The following RBMS1 variants were observed in gnomAD, a reference collection of about 807,000 sequenced individuals.
RBMS1 encodes the protein RNA binding motif single stranded interacting protein 1, also known as RNA-binding motif, single-stranded-interacting protein 1.
RBMS1 carries 17 observed loss-of-function variants against 62.3 expected under a neutral mutation model. The observed-to-expected ratio is 0.27, with a 90% CI of 0.19 to 0.41. The LOEUF is 0.41. Among genes scored for constraint, RBMS1 ranks in the 10% least tolerant of loss-of-function variants. RBMS1 has a pLI of 1.00. For synonymous variants in RBMS1, 172 were observed against 170.0 expected (o/e 1.01, Z -0.09); for missense variants, 334 against 504.5 (o/e 0.66, Z 3.24).
At chr2:160,423,222 T>C (rs1696504284) in intron 1 of RBMS1, among the ~76,000 whole-genome samples, 2 of 95,996 alleles carry the variant, frequency 2.1e-5, no homozygotes, top group East Asian at 4.1e-4. Flanking sequence ...TTTTCTTTTT[T>C]TCTTTCAATT....
chr2:160,375,265 C>T (rs60466881), intron 1 of RBMS1, among the ~76,000 whole-genome samples: 3,223 of 152,270 alleles, frequency 0.021, 122 homozygotes, highest in African/African-American at 0.072. Flanking sequence ...TCTGTGACAT[C>T]GTGCAACTTA....
At chr2:160,292,357 AACT>A (rs1688725351) in intron 6 of RBMS1, among the ~76,000 whole-genome samples, 1 of 152,212 alleles carries the variant, frequency 6.6e-6, no homozygotes, top group Admixed American at 6.5e-5. Context: ...TAGTGTTCTT[AACT>A]ACTGTGGCAA....
intron 1 of RBMS1, among the ~76,000 whole-genome samples, chr2:160,441,547 G>A (rs957292078): frequency 2.0e-5 from 3 of 152,178 alleles, no homozygotes; most frequent in African/African-American, 7.2e-5. Context: ...AACATGGCAA[G>A]ACTGCATCTC....
chr2:160,300,731 C>A lies in RBMS1; in HGVS notation c.561-1G>T. 6.3e-7 allele frequency: 1 copy of A among 1,584,128 alleles called. No individual in the cohort carries two copies. The highest frequency in any genetic ancestry group is 2.3e-5 in the East Asian group (1 of 44,016). On this transcript the variant is annotated splice_acceptor_variant, in intron 5 of 13. Coordinates refer to ENST00000348849, the MANE Select transcript of RBMS1 (RefSeq NM_016836.4). LOFTEE classifies it high-confidence loss of function. ...TTCACATTTTTCTGTTGATTCCATC[C>A]TATTTATAATAAAAATAGAATACAT...
At chr2:160,307,361 G>GAAAAAAAAAAAAAAAAA in intron 4 of RBMS1, among the ~76,000 whole-genome samples, 1 of 85,790 alleles carries the variant, frequency 1.2e-5, no homozygotes, top group Admixed American at 1.4e-4. Flanking sequence ...CCTATTTATT[G>GAAAAAAAAAAAAAAAAA]AAAAAAAAAA....
chr2:160,415,940 G>C (rs1292631321), intron 1 of RBMS1, among the ~76,000 whole-genome samples: 1 of 151,782 alleles, frequency 6.6e-6, no homozygotes, highest in Non-Finnish European at 1.5e-5. Context: ...CAAATAAGAA[G>C]ATATGGAATT....
At chr2:160,419,282 A>T (rs1190431344) in intron 1 of RBMS1, among the ~76,000 whole-genome samples, 1 of 152,188 alleles carries the variant, frequency 6.6e-6, no homozygotes, top group Admixed American at 6.5e-5. Flanking sequence ...TAAATATATC[A>T]GGCTAAAAAA....
At chr2:160,320,553 T>C (rs560399556) in intron 2 of RBMS1, among the ~76,000 whole-genome samples, 7 of 152,280 alleles carry the variant, frequency 4.6e-5, no homozygotes, top group Admixed American at 3.9e-4. Flanking sequence ...CCCTCATGAA[T>C]AGCTTGGTGC....
At chr2:160,436,675 C>T (rs921687565) in intron 1 of RBMS1, among the ~76,000 whole-genome samples, 6 of 150,572 alleles carry the variant, frequency 4.0e-5, no homozygotes, top group African/African-American at 1.5e-4. Flanking sequence ...ATTCTTAATA[C>T]AAGAACTAAC....
In RBMS1 at chr2:160,471,717, A is replaced by ATATATATATATATATATATG. The variant is rs1422014155; in HGVS notation, c.75+21571_75+21572insCATATATATATATATATATA. Among the ~76,000 whole-genome samples, 30 of 53,960 alleles carry ATATATATATATATATATATG rather than the reference A, an allele frequency of 5.6e-4. 1 individual carries two copies. In the East Asian group the frequency reaches 0.023, roughly 42 times the overall value. 35.4% of individuals were successfully genotyped at this position (53,960 alleles called of 152,430 possible). On this transcript the variant is annotated intron_variant, in intron 1 of 13. Transcript: ENST00000348849. ...TATATATATATATATATATATATAT[A>ATATATATATATATATATATG]ACCTTTCATACATTCTGATTATAAG...
chr2:160,332,338 A>G (rs1351091894), intron 2 of RBMS1, among the ~76,000 whole-genome samples: 1 of 152,192 alleles, frequency 6.6e-6, no homozygotes, highest in Non-Finnish European at 1.5e-5. Context: ...ATTTATTTTA[A>G]TTTCAAGTTA....
chr2:160,417,142 C>CACACACACACGCAT (rs1366942939), intron 1 of RBMS1, among the ~76,000 whole-genome samples: 1 of 151,960 alleles, frequency 6.6e-6, no homozygotes, highest in Admixed American at 6.6e-5. Context: ...TGCGCGTGCA[C>CACACACACACGCAT]ACACACACAC....
At chr2:160,333,692 G>C (rs751216190) in intron 2 of RBMS1, among the ~76,000 whole-genome samples, 1 of 152,150 alleles carries the variant, frequency 6.6e-6, no homozygotes, top group Non-Finnish European at 1.5e-5. Flanking sequence ...AGACAGGAAC[G>C]GGGAAAGTGA....
At chr2:160,344,628 T>C (rs187287261) in intron 2 of RBMS1, among the ~76,000 whole-genome samples, 60 of 152,298 alleles carry the variant, frequency 3.9e-4, no homozygotes, top group African/African-American at 1.2e-3. Flanking sequence ...TGCATGGAAA[T>C]GGCAAAACAT....
At chr2:160,280,823 A>C (rs1484046082) in intron 10 of RBMS1, among the ~76,000 whole-genome samples, 1 of 152,236 alleles carries the variant, frequency 6.6e-6, no homozygotes, top group African/African-American at 2.4e-5. Context: ...AATTTAAAAA[A>C]ATGTAATATA....
intron 1 of RBMS1, among the ~76,000 whole-genome samples, chr2:160,423,316 A>G (rs1696507986): frequency 7.6e-6 from 1 of 131,840 alleles, no homozygotes; most frequent in Non-Finnish European, 1.6e-5. Context: ...AGCAGATGCA[A>G]TGGCATTTTT....
rs535343527 is a variant in RBMS1, at chr2:160,312,242, TAAAC to T, written c.402+910_402+913del. Among the ~76,000 whole-genome samples the T allele has an allele frequency of 5.1e-3, 781 of 152,288 alleles. 4 individuals carry two copies. The highest frequency in any genetic ancestry group is 8.2e-3 in the Non-Finnish European group (558 of 68,020). On this transcript the variant is annotated intron_variant, in intron 4 of 13. Coordinates refer to ENST00000348849, the MANE Select transcript of RBMS1 (RefSeq NM_016836.4). ...CTTTTGGAAGAGGGTCTGAGCATCT[TAAAC>T]TAACTTTCAGGATGAACCTAATGCA...
At chr2:160,392,773 T>TC (rs1319154620) in intron 1 of RBMS1, among the ~76,000 whole-genome samples, 2 of 152,028 alleles carry the variant, frequency 1.3e-5, no homozygotes, top group African/African-American at 2.4e-5. Context: ...GTGCCTGCGG[T>TC]CCCAGCTATT....
At chr2:160,341,977 G>C (rs1291301306) in intron 2 of RBMS1, among the ~76,000 whole-genome samples, 2 of 152,162 alleles carry the variant, frequency 1.3e-5, no homozygotes, top group Admixed American at 1.3e-4. Context: ...TCAAATGACA[G>C]TAACTTGTTT....
Sources: allele counts gnomAD v4.1 joint callset (sites outside exome capture counted in the v4.1 genomes callset), GRCh38; gene constraint gnomAD v4.1.1; transcripts MANE v1.5; gene names NCBI Gene and HGNC (gene_info 2026-07-23, HGNC 2026-07-21).